Variants in ACSM2B observed in about 807,000 individuals in gnomAD.
ACSM2B encodes acyl-CoA synthetase medium chain family member 2B.
In ACSM2B, 58 loss-of-function variants were observed where a neutral mutation model predicts 78.6. That is an observed-to-expected ratio of 0.74 (90% confidence interval 0.60 to 0.92). ACSM2B has a LOEUF of 0.92. ACSM2B is among the 40% of genes least tolerant of loss of function. ACSM2B has a pLI of 0.00. For missense variants in ACSM2B, 688 were observed against 711.2 expected (o/e 0.97, Z 0.37); for synonymous variants, 257 against 256.8 (o/e 1.00, Z -0.01).
intron 6 of ACSM2B, 55 bp downstream of exon 6, chr16:20,552,089 T>G: frequency 6.6e-7 from 1 of 1,523,072 alleles, no homozygotes; most frequent in South Asian, 1.3e-5. Context: ...AAAATTGAAG[T>G]GTGCAAACCT....
intron 8 of ACSM2B, 148 bp from the exon 9 acceptor site, chr16:20,546,622 C>G (rs1292847371): frequency 1.1e-5 from 14 of 1,312,644 alleles, no homozygotes; most frequent in Non-Finnish European, 1.3e-5. Flanking sequence ...CCCTGGCTCT[C>G]TCCCCATTAC....
chr16:20,566,283 A>ATATATATG (rs2015836780), intron 1 of ACSM2B, among the ~76,000 whole-genome samples: 3 of 129,228 alleles, frequency 2.3e-5, no homozygotes, highest in African/African-American at 8.6e-5. Context: ...ATATATATAT[A>ATATATATG]TAGACAGATA....
At chr16:20,563,781 T>C (rs1421705739) in intron 2 of ACSM2B, among the ~76,000 whole-genome samples, 1 of 152,050 alleles carries the variant, frequency 6.6e-6, no homozygotes, top group Non-Finnish European at 1.5e-5. Flanking sequence ...GTGACTCTTT[T>C]TGAGCACCAA....
chr16:20,558,744 G>T (rs961766148), intron 3 of ACSM2B, among the ~76,000 whole-genome samples: 2 of 152,178 alleles, frequency 1.3e-5, no homozygotes, highest in African/African-American at 4.8e-5. Flanking sequence ...AGGTTTTGTG[G>T]ATAAGACACT....
chr16:20,548,253 G>A (rs2015202492), intron 7 of ACSM2B, 68 bp from the exon 8 acceptor site: 15 of 1,610,638 alleles, frequency 9.3e-6, no homozygotes, highest in East Asian at 2.2e-5. Flanking sequence ...GCCTAGACTT[G>A]GTTTCTGGGT....
chr16:20,561,026 G>A (rs201720866), intron 2 of ACSM2B, among the ~76,000 whole-genome samples: 21 of 150,440 alleles, frequency 1.4e-4, no homozygotes, highest in South Asian at 6.4e-4. Context: ...AAGCAACAGA[G>A]CATTCAAGAT....
At chr16:20,568,083 A>C (rs567235138) in intron 1 of ACSM2B, among the ~76,000 whole-genome samples, 1 of 142,746 alleles carries the variant, frequency 7.0e-6, no homozygotes, top group Non-Finnish European at 1.5e-5. Context: ...CCCATACTAT[A>C]CTGCCTTCAC....
chr16:20,537,255 G>T lies in ACSM2B; in HGVS notation c.*3C>A, dbSNP rs556085872. 14 of 1,613,834 alleles carry T rather than the reference G, an allele frequency of 8.7e-6. No homozygotes were observed. The highest frequency in any genetic ancestry group is 5.0e-5 in the Admixed American group (3 of 60,018). On this transcript the variant is annotated 3_prime_UTR_variant, in exon 14 of 14. Coordinates refer to ENST00000329697, the MANE Select transcript of ACSM2B (RefSeq NM_001105069.2). Reference sequence around the variant, plus strand: ...GAATCCAAATGAATGTCTCCTAGACGCCTCACTGCGCACGGGCTTTTCCGG... The same window carrying T: ...GAATCCAAATGAATGTCTCCTAGACTCCTCACTGCGCACGGGCTTTTCCGG...
At chr16:20,556,330 G>A (rs1259979913) in intron 3 of ACSM2B, among the ~76,000 whole-genome samples, 2 of 152,202 alleles carry the variant, frequency 1.3e-5, no homozygotes, top group African/African-American at 2.4e-5. Context: ...GGCCAGGCAT[G>A]GTGGCTCATG....
chr16:20,566,266 T>TAG (rs1555459287), intron 1 of ACSM2B, among the ~76,000 whole-genome samples: 1 of 131,704 alleles, frequency 7.6e-6, no homozygotes, highest in African/African-American at 2.9e-5. Context: ...TATATATATA[T>TAG]ATATATATAT....
chr16:20,567,749 A>C (rs1372498757), intron 1 of ACSM2B, among the ~76,000 whole-genome samples: 8 of 139,856 alleles, frequency 5.7e-5, no homozygotes, highest in Non-Finnish European at 1.1e-4. Flanking sequence ...TTATATATAT[A>C]ATAGTATAGT....
chr16:20,543,717 T>G (rs1349100495), intron 10 of ACSM2B, among the ~76,000 whole-genome samples: 1 of 152,152 alleles, frequency 6.6e-6, no homozygotes, highest in Non-Finnish European at 1.5e-5. Context: ...TGTGCATATT[T>G]CTACAATAGC....
At chr16:20,567,449 A>G (rs1440752103) in intron 1 of ACSM2B, among the ~76,000 whole-genome samples, 3 of 119,652 alleles carry the variant, frequency 2.5e-5, no homozygotes, top group African/African-American at 3.4e-5. Flanking sequence ...TATATAGTAT[A>G]TTATTATATA....
intron 3 of ACSM2B, among the ~76,000 whole-genome samples, chr16:20,557,206 C>T (rs2015501596): frequency 6.9e-6 from 1 of 143,958 alleles, no homozygotes; most frequent in South Asian, 2.4e-4. Flanking sequence ...TTAAATCCAA[C>T]TTGTTATCAC....
At chr16:20,569,042 C>T (rs567021649) in intron 1 of ACSM2B, among the ~76,000 whole-genome samples, 81 of 151,710 alleles carry the variant, frequency 5.3e-4, no homozygotes, top group African/African-American at 1.7e-3. Context: ...CTGTTCCTTT[C>T]GCCATACAAA....
At chr16:20,542,533 G>T in intron 12 of ACSM2B, 1 of 207,116 alleles carries the variant, frequency 4.8e-6, no homozygotes, top group Non-Finnish European at 9.8e-6. Flanking sequence ...CCATATCTTC[G>T]TATTGTGAAT....
chr16:20,565,836 T>C (rs1054754724), intron 1 of ACSM2B, among the ~76,000 whole-genome samples: 42 of 151,928 alleles, frequency 2.8e-4, no homozygotes, highest in African/African-American at 1.0e-3. Flanking sequence ...TTCCCCCAAC[T>C]CCTCAAAGTT....
At chr16:20,558,078 G>T (rs2152140826) in intron 3 of ACSM2B, among the ~76,000 whole-genome samples, 1 of 152,334 alleles carries the variant, frequency 6.6e-6, no homozygotes, top group Middle Eastern at 3.4e-3. Flanking sequence ...TAGTTCAGGA[G>T]TCATGGAGCC....
intron 3 of ACSM2B, 66 bp downstream of exon 3, chr16:20,559,171 C>T (rs551819110): frequency 2.7e-6 from 4 of 1,497,996 alleles, no homozygotes; most frequent in African/African-American, 1.4e-5. Context: ...GAGGTGGCTG[C>T]ATTTCTCTGC....
Sources: allele counts gnomAD v4.1 joint callset (sites outside exome capture counted in the v4.1 genomes callset), GRCh38; gene constraint gnomAD v4.1.1; transcripts MANE v1.5; gene names NCBI Gene and HGNC (gene_info 2026-07-23, HGNC 2026-07-21).